The following AKAP10 variants were observed in gnomAD, a reference collection of about 807,000 sequenced individuals.
AKAP10 encodes A-kinase anchoring protein 10, also known as A-kinase anchor protein 10, mitochondrial.
A neutral mutation model predicts 80.8 loss-of-function variants in AKAP10; 24 were observed. The observed-to-expected ratio is 0.30, with a 90% CI of 0.22 to 0.42. AKAP10 has a LOEUF of 0.42. Among genes scored for constraint, AKAP10 ranks in the 10% least tolerant of loss-of-function variants. AKAP10 has a pLI of 1.00. For synonymous variants in AKAP10, 291 were observed against 277.7 expected, an observed-to-expected ratio of 1.05 and a Z score of -0.48; for missense variants, 661 against 794.9, an observed-to-expected ratio of 0.83 and a Z score of 2.03.
intron 9 of AKAP10, 22 bp downstream of exon 9, chr17:19,936,264 T>TACGA (rs2042990871): frequency 6.3e-7 from 1 of 1,595,834 alleles, no homozygotes; most frequent in Middle Eastern, 1.7e-4. Flanking sequence ...TGTAGTTTGA[T>TACGA]ACGTTTGAAG....
At chr17:19,969,676 A>C (rs1377219564) in intron 1 of AKAP10, among the ~76,000 whole-genome samples, 1 of 152,186 alleles carries the variant, frequency 6.6e-6, no homozygotes, top group Non-Finnish European at 1.5e-5. Flanking sequence ...ACTCGCCCTC[A>C]GAGTATCTGG....
Position 19,906,153 on chromosome 17 carries a change from G to A in AKAP10, c.*74C>T. On this transcript the variant is annotated 3_prime_UTR_variant, in exon 15 of 15. Transcript: ENST00000225737. ...ATATAGTGCTGTTTTCATTGGCTGT[G>A]TTGAAGAATCCAACCAAGGGAAAAA... is the stretch of plus-strand genomic sequence containing the variant. 6.7e-7 allele frequency: 1 copy of A among 1,490,636 alleles called. No homozygotes were observed. The highest frequency in any genetic ancestry group is 9.3e-7 in the Non-Finnish European group (1 of 1,072,598). The allele number at this position is 1,490,636 out of a possible 1,614,324, so 92.3% of individuals were successfully genotyped here.
chr17:19,947,669 TTACATGGGGG>T (rs1215214375), intron 4 of AKAP10, among the ~76,000 whole-genome samples, 164 bp from the exon 5 acceptor site: 6 of 151,906 alleles, frequency 3.9e-5, no homozygotes, highest in African/African-American at 7.2e-5. Flanking sequence ...AAGAGGAGAG[TTACATGGGGG>T]TGTTCAAAGC....
At chr17:19,909,416 A>C (rs2042666638) in intron 13 of AKAP10, 140 bp from the exon 14 acceptor site, 1 of 718,048 alleles carries the variant, frequency 1.4e-6, no homozygotes, top group Non-Finnish European at 2.2e-6. Flanking sequence ...TGTACGAAAA[A>C]ACCTGGGCCA....
chr17:19,916,375 A>G (rs1423504115), intron 12 of AKAP10, among the ~76,000 whole-genome samples: 1 of 152,218 alleles, frequency 6.6e-6, no homozygotes, highest in East Asian at 1.9e-4. Context: ...CAATAGATGC[A>G]TACAGTAGGC....
At chr17:19,975,577 T>C (rs2043554394) in intron 1 of AKAP10, among the ~76,000 whole-genome samples, 1 of 152,200 alleles carries the variant, frequency 6.6e-6, no homozygotes, top group Non-Finnish European at 1.5e-5. Flanking sequence ...TCTTAATCTT[T>C]CATAACACTT....
chr17:19,958,282 A>C lies in AKAP10; in HGVS notation c.609T>G (p.Leu203=), dbSNP rs2152417690. ...ETTASFLTDS[L]DKRLEDSGSA... Reference sequence around the variant, plus strand: ...AGCCAGAATCCTCCAATCTCTTATCAAGAGAATCAGTTAAAAAAGACGCTG... The same window carrying C: ...AGCCAGAATCCTCCAATCTCTTATCCAGAGAATCAGTTAAAAAAGACGCTG... Residue 203 remains leucine (L), a synonymous_variant, in exon 4 of 15, where the codon CTT becomes CTG. Coordinates refer to ENST00000225737, the MANE Select transcript of AKAP10 (RefSeq NM_007202.4). 6.2e-7 allele frequency: 1 copy of C among 1,614,196 alleles called. No homozygotes were observed. The highest frequency in any genetic ancestry group is 2.2e-5 in the East Asian group (1 of 44,882).
At chr17:19,922,625 G>T (rs1453649357) in intron 11 of AKAP10, among the ~76,000 whole-genome samples, 3 of 152,194 alleles carry the variant, frequency 2.0e-5, no homozygotes, top group Non-Finnish European at 4.4e-5. Flanking sequence ...TACATGCTGG[G>T]TGTGGTGGCT....
intron 2 of AKAP10, 58 bp from the exon 3 acceptor site, chr17:19,963,080 C>A: frequency 7.2e-7 from 1 of 1,384,892 alleles, no homozygotes; most frequent in Non-Finnish European, 9.8e-7. Context: ...CTAAAACTCT[C>A]ATAAAGGGGC....
intron 12 of AKAP10, among the ~76,000 whole-genome samples, chr17:19,916,942 A>G (rs1213218809): frequency 6.9e-6 from 1 of 144,768 alleles, no homozygotes. Flanking sequence ...GTCTCAAAAA[A>G]TAAATAAATA....
chr17:19,967,657 T>G lies in AKAP10; in HGVS notation c.136+757A>C, dbSNP rs79640522. ...CAGGACTTTGGGAGGCCAAGGCGAGTGGATCACTTGAGGTCAGGAGTTTGA... is the reference window on the plus strand; with the variant it reads ...CAGGACTTTGGGAGGCCAAGGCGAGGGGATCACTTGAGGTCAGGAGTTTGA... On this transcript the variant is annotated intron_variant, in intron 2 of 14. Coordinates refer to ENST00000225737, the MANE Select transcript of AKAP10 (RefSeq NM_007202.4). Among the ~76,000 whole-genome samples, 404 of 144,012 alleles carry G rather than the reference T, an allele frequency of 2.8e-3. 14 individuals carry two copies. The East Asian group carries it at 0.081, about 29-fold the overall frequency. The allele number at this position is 144,012 out of a possible 152,430, so 94.5% of individuals were successfully genotyped here.
chr17:19,918,872 T>C (rs910413556), intron 12 of AKAP10, among the ~76,000 whole-genome samples: 4 of 152,216 alleles, frequency 2.6e-5, no homozygotes, highest in Admixed American at 2.6e-4. Flanking sequence ...ACTACTCTTC[T>C]GATTAAATGA....
intron 4 of AKAP10, among the ~76,000 whole-genome samples, chr17:19,948,129 T>C (rs2043155673): frequency 6.6e-6 from 1 of 152,110 alleles, no homozygotes; most frequent in African/African-American, 2.4e-5. Flanking sequence ...TGATATGAAA[T>C]CCTAATAAGT....
chr17:19,943,786 T>C (rs1399132095), intron 5 of AKAP10, among the ~76,000 whole-genome samples: 1 of 152,182 alleles, frequency 6.6e-6, no homozygotes, highest in Non-Finnish European at 1.5e-5. Context: ...GTGGAGGCAG[T>C]CTTGTGGGAC....
At chr17:19,909,300 T>C in intron 13 of AKAP10, 24 bp from the exon 14 acceptor site, 1 of 1,589,326 alleles carries the variant, frequency 6.3e-7, no homozygotes, top group Non-Finnish European at 8.6e-7. Context: ...TTTAAACTGG[T>C]GATAATGGTT....
intron 14 of AKAP10, among the ~76,000 whole-genome samples, chr17:19,908,974 T>C (rs1283331389): frequency 6.6e-6 from 1 of 152,244 alleles, no homozygotes; most frequent in East Asian, 1.9e-4. Flanking sequence ...CTCTGTTTGG[T>C]TTCCATGGTT....
intron 5 of AKAP10, 42 bp from the exon 6 acceptor site, chr17:19,941,952 A>G: frequency 6.3e-7 from 1 of 1,581,752 alleles, no homozygotes; most frequent in South Asian, 1.1e-5. Flanking sequence ...CACTAAATTC[A>G]AACTATGTAT....
At chr17:19,968,997 T>C (rs1396901013) in intron 1 of AKAP10, among the ~76,000 whole-genome samples, 2 of 152,284 alleles carry the variant, frequency 1.3e-5, no homozygotes, top group African/African-American at 4.8e-5. Context: ...TATTACTTAT[T>C]CCTCCCATAG....
At chr17:19,961,387 G>A (rs1004946704) in intron 3 of AKAP10, among the ~76,000 whole-genome samples, 1 of 151,794 alleles carries the variant, frequency 6.6e-6, no homozygotes, top group Admixed American at 6.6e-5. Flanking sequence ...GAAACTGCCT[G>A]TTTTCCAGAG....
Sources: allele counts gnomAD v4.1 joint callset (sites outside exome capture counted in the v4.1 genomes callset), GRCh38; gene constraint gnomAD v4.1.1; transcripts MANE v1.5; gene names NCBI Gene and HGNC (gene_info 2026-07-23, HGNC 2026-07-21).